The following DLGAP2 variants were observed in gnomAD, a reference collection of about 807,000 sequenced individuals.
DLGAP2 encodes the protein DLG associated protein 2.
A neutral mutation model predicts 100.3 loss-of-function variants in DLGAP2; 26 were observed. The observed-to-expected ratio is 0.26, with a 90% confidence interval of 0.19 to 0.36. DLGAP2 has a LOEUF of 0.36. Ranked by LOEUF, DLGAP2 falls within the 10% of genes least tolerant of loss-of-function variation. The probability of loss-of-function intolerance (pLI) is 1.00; values close to 1 mark genes in which losing one functional copy is unlikely to be tolerated. For synonymous variants in DLGAP2, 886 were observed against 630.1 expected (o/e 1.41, Z -6.08); for missense variants, 1,858 against 1,453.2 (o/e 1.28, Z -4.53).
chr8:1,140,696 G>T (rs1336038971), intron 2 of DLGAP2, among the ~76,000 whole-genome samples: 1 of 152,202 alleles, frequency 6.6e-6, no homozygotes, highest in African/African-American at 2.4e-5. Context: ...CCTTGGCCGG[G>T]CACAATGACT....
At chr8:1,545,272 C>G (rs1184424085) in intron 4 of DLGAP2, among the ~76,000 whole-genome samples, 2 of 152,014 alleles carry the variant, frequency 1.3e-5, no homozygotes, top group African/African-American at 2.4e-5. Context: ...ACTTTTCGTC[C>G]CACAAGCACG....
chr8:1,029,331 C>T (rs1801907526), intron 2 of DLGAP2, among the ~76,000 whole-genome samples: 1 of 152,130 alleles, frequency 6.6e-6, no homozygotes, highest in Admixed American at 6.5e-5. Context: ...GACAAATTTC[C>T]AAGGAATACC....
intron 2 of DLGAP2, among the ~76,000 whole-genome samples, chr8:1,092,678 G>T (rs1316063550): frequency 6.6e-6 from 1 of 152,178 alleles, no homozygotes; most frequent in Non-Finnish European, 1.5e-5. Context: ...TCGTGCTGAG[G>T]TTTCAGGGTT....
intron 2 of DLGAP2, among the ~76,000 whole-genome samples, chr8:1,111,049 G>A (rs1269940081): frequency 6.6e-6 from 1 of 152,188 alleles, no homozygotes; most frequent in East Asian, 1.9e-4. Flanking sequence ...CCACACCCGT[G>A]TGCCACCTGC....
chr8:1,243,426 C>T (rs1463208601), intron 2 of DLGAP2, among the ~76,000 whole-genome samples: 1 of 152,210 alleles, frequency 6.6e-6, no homozygotes, highest in Non-Finnish European at 1.5e-5. Context: ...CTGGCCTGCA[C>T]CCTCTGTCAT....
chr8:1,094,050 G>A (rs77284593), intron 2 of DLGAP2, among the ~76,000 whole-genome samples: 6 of 116,186 alleles, frequency 5.2e-5, no homozygotes, highest in Middle Eastern at 4.3e-3. Context: ...GGGCAGCTCC[G>A]CGGTGGAGGG....
intron 1 of DLGAP2, among the ~76,000 whole-genome samples, chr8:751,005 G>A (rs1036675205): frequency 6.6e-6 from 1 of 152,224 alleles, no homozygotes; most frequent in African/African-American, 2.4e-5. Flanking sequence ...ACAGGTGTCG[G>A]TAGGCACGCT....
intron 2 of DLGAP2, among the ~76,000 whole-genome samples, chr8:944,240 A>G (rs1355353674): frequency 6.6e-6 from 1 of 152,090 alleles, no homozygotes; most frequent in Non-Finnish European, 1.5e-5. Context: ...TGGGTGATCC[A>G]GTGGGTGGTA....
intron 2 of DLGAP2, among the ~76,000 whole-genome samples, chr8:1,130,691 C>T (rs1796273607): frequency 6.6e-6 from 1 of 152,246 alleles, no homozygotes; most frequent in Non-Finnish European, 1.5e-5. Flanking sequence ...AACCAGCAAC[C>T]AGCCTCTTCC....
chr8:1,421,863 C>T (rs929329567), intron 3 of DLGAP2, among the ~76,000 whole-genome samples: 1 of 151,894 alleles, frequency 6.6e-6, no homozygotes, highest in Non-Finnish European at 1.5e-5. Context: ...ACTCAAGAGG[C>T]TCTGAGGCAG....
At chr8:1,382,325 G>A (rs1022281405) in intron 3 of DLGAP2, among the ~76,000 whole-genome samples, 22 of 152,238 alleles carry the variant, frequency 1.4e-4, no homozygotes, top group African/African-American at 5.3e-4. Flanking sequence ...AGGAGAAGAG[G>A]GGTTGTTCCC....
At chr8:1,158,040 C>T (rs531037672) in intron 2 of DLGAP2, among the ~76,000 whole-genome samples, 2 of 152,318 alleles carry the variant, frequency 1.3e-5, no homozygotes, top group East Asian at 3.9e-4. Context: ...CATGGCCCAC[C>T]CTAGCTTATG....
chr8:1,210,216 G>A (rs563243525), intron 2 of DLGAP2, among the ~76,000 whole-genome samples: 39 of 152,244 alleles, frequency 2.6e-4, no homozygotes, highest in East Asian at 1.9e-3. Context: ...GGTCCCATCC[G>A]TCCAGGGCTC....
At chr8:1,178,310 A>T (rs373875660) in intron 2 of DLGAP2, among the ~76,000 whole-genome samples, 2 of 152,162 alleles carry the variant, frequency 1.3e-5, no homozygotes, top group South Asian at 4.1e-4. Flanking sequence ...TTTGGGCAAG[A>T]CCTGCGCTTG....
chr8:1,339,211 C>G (rs1801363098), intron 3 of DLGAP2, among the ~76,000 whole-genome samples: 1 of 148,892 alleles, frequency 6.7e-6, no homozygotes, highest in Non-Finnish European at 1.5e-5. Context: ...AGGCAGTGAC[C>G]TCAGTGAGGC....
At chr8:1,200,682 C>T (rs753768295) in intron 2 of DLGAP2, among the ~76,000 whole-genome samples, 1 of 151,532 alleles carries the variant, frequency 6.6e-6, no homozygotes, top group Non-Finnish European at 1.5e-5. Context: ...GCGCACAGCC[C>T]TTGACCTTCA....
chr8:1,701,985 C>A lies in DLGAP2; in HGVS notation c.*579C>A, dbSNP rs1799587131. On this transcript the variant is annotated 3_prime_UTR_variant, in exon 15 of 15. Transcript: ENST00000637795. Reference sequence around the variant, plus strand: ...ACAGAAAACACGAGGCTCCTTGTGTCAAGCTTCCTGTGATGGAAAGCGACC... The same window carrying A: ...ACAGAAAACACGAGGCTCCTTGTGTAAAGCTTCCTGTGATGGAAAGCGACC... The A allele has an allele frequency of 6.6e-6, 1 of 152,334 alleles. No individual in the cohort carries two copies. Among genetic ancestry groups the A allele is most frequent in the African/African-American group, 2.4e-5 (1 of 41,546 alleles). The allele number at this position is 152,334 out of a possible 1,614,324, so 9.4% of individuals were successfully genotyped here. A position where few individuals can be genotyped will look rare whatever the true frequency, so the allele number is the denominator to read the frequency against.
intron 1 of DLGAP2, among the ~76,000 whole-genome samples, chr8:807,272 T>C (rs1325911161): frequency 1.3e-5 from 2 of 148,422 alleles, no homozygotes; most frequent in Non-Finnish European, 3.0e-5. Flanking sequence ...TTCTCTCTCC[T>C]CTTTTTCTTC....
chr8:1,633,158 A>G, intron 8 of DLGAP2, 112 bp downstream of exon 8: 1 of 1,020,568 alleles, frequency 9.8e-7, no homozygotes, highest in Non-Finnish European at 1.5e-6. Flanking sequence ...CTCTCCTGAC[A>G]TCTAGTAACG....
Sources: allele counts gnomAD v4.1 joint callset (sites outside exome capture counted in the v4.1 genomes callset), GRCh38; gene constraint gnomAD v4.1.1; transcripts MANE v1.5; gene names NCBI Gene and HGNC (gene_info 2026-07-23, HGNC 2026-07-21).